The following DNAH3 variants were observed in gnomAD, a reference collection of about 807,000 sequenced individuals.
DNAH3 encodes the protein dynein axonemal heavy chain 3, also known as axonemal beta dynein heavy chain 3.
A neutral mutation model predicts 432.5 loss-of-function variants in DNAH3; 332 were observed. That is an observed-to-expected ratio of 0.77 (90% CI 0.70 to 0.84). The LOEUF is 0.84. Ranked by LOEUF, DNAH3 falls within the 40% of genes least tolerant of loss-of-function variation. DNAH3 has a pLI of 0.00. For missense variants in DNAH3, 4,861 were observed against 5,114.0 expected (o/e 0.95, Z 1.51); for synonymous variants, 1,956 against 1,900.2 (o/e 1.03, Z -0.76).
chr16:20,964,923 C>T (rs1288317393), exon 53 of DNAH3: 3 of 1,614,112 alleles, frequency 1.9e-6, no homozygotes, highest in Non-Finnish European at 2.5e-6. Flanking sequence ...GGATCCCCAG[C>T]TGTCGGGCAG....
chr16:21,142,879 C>T (rs1476222071), intron 3 of DNAH3, among the ~76,000 whole-genome samples: 1 of 152,056 alleles, frequency 6.6e-6, no homozygotes, highest in Admixed American at 6.6e-5. Flanking sequence ...GTCTCCAACT[C>T]CTGGGGGCAA....
intron 24 of DNAH3, among the ~76,000 whole-genome samples, chr16:21,065,317 C>G (rs916593259): frequency 2.0e-5 from 3 of 152,066 alleles, no homozygotes; most frequent in African/African-American, 7.2e-5. Context: ...CCCACCACCA[C>G]GCCCAGCTGA....
chr16:20,936,681 C>A, exon 60 of DNAH3: 1 of 1,603,380 alleles, frequency 6.2e-7, no homozygotes. Context: ...AGCAGGTCAG[C>A]CACGTAGCCC....
intron 24 of DNAH3, among the ~76,000 whole-genome samples, chr16:21,066,274 C>T (rs2090545773): frequency 6.6e-6 from 1 of 151,804 alleles, no homozygotes; most frequent in African/African-American, 2.4e-5. Context: ...TAAGTGGGGT[C>T]AAATGACATG....
At chr16:21,148,856 G>A (rs2152834774) in intron 1 of DNAH3, among the ~76,000 whole-genome samples, 2 of 152,264 alleles carry the variant, frequency 1.3e-5, no homozygotes, top group East Asian at 1.9e-4. Context: ...GGCAATAAAT[G>A]GCTAAGAATC....
At chr16:20,935,509 T>A (rs763149146) in intron 60 of DNAH3, 24 bp from the exon 61 acceptor site, 8 of 1,606,348 alleles carry the variant, frequency 5.0e-6, no homozygotes, top group Non-Finnish European at 6.8e-6. Flanking sequence ...GAAATCAAGA[T>A]TCAAAATCAA....
At chr16:21,037,427 T>C (rs2089225948) in intron 34 of DNAH3, among the ~76,000 whole-genome samples, 1 of 152,184 alleles carries the variant, frequency 6.6e-6, no homozygotes, top group South Asian at 2.1e-4. Flanking sequence ...ATGAACAAGA[T>C]AGTAATGACT....
In DNAH3 at chr16:21,022,652, C is replaced by T. The variant is rs2088303958; in HGVS notation, c.5647-552G>A. Among the ~76,000 whole-genome samples, 3 of 151,948 alleles carry T rather than the reference C, an allele frequency of 2.0e-5. No individual in the cohort carries two copies. In the South Asian group the frequency reaches 6.2e-4, roughly 32 times the overall value. On this transcript the variant is annotated intron_variant, in intron 39 of 61. Transcript: ENST00000261383. ...TAGTGTCTGTTCTCCAGTCCATTTA[C>T]TCTTTTAAAAAGTTATCCGACTTGC...
intron 11 of DNAH3, chr16:21,120,665 C>T (rs1248038187): frequency 1.7e-6 from 2 of 1,150,352 alleles, no homozygotes; most frequent in African/African-American, 1.5e-5. Flanking sequence ...TTCACATAGG[C>T]CTTGTTTTCA....
At chr16:20,984,594 G>A (rs1452874200) in intron 48 of DNAH3, among the ~76,000 whole-genome samples, 1 of 152,192 alleles carries the variant, frequency 6.6e-6, no homozygotes, top group Admixed American at 6.5e-5. Flanking sequence ...TCAGGGTCCG[G>A]CACGGTGGCT....
intron 56 of DNAH3, among the ~76,000 whole-genome samples, 199 bp downstream of exon 56, chr16:20,952,234 G>A (rs1321022477): frequency 6.6e-6 from 1 of 152,112 alleles, no homozygotes; most frequent in Non-Finnish European, 1.5e-5. Flanking sequence ...AGTCACTCAA[G>A]GGTAAAGATT....
chr16:21,097,236 T>A, intron 18 of DNAH3, 119 bp downstream of exon 18: 1 of 1,171,920 alleles, frequency 8.5e-7, no homozygotes, highest in Non-Finnish European at 1.2e-6. Context: ...TAATCTGGAG[T>A]GTCAGAATCT....
intron 1 of DNAH3, chr16:21,159,181 G>T (rs1354644165): frequency 5.9e-6 from 5 of 845,374 alleles, no homozygotes; most frequent in Non-Finnish European, 1.0e-5. Flanking sequence ...CTCCACCGAG[G>T]TCCCCTTCCC....
At chr16:21,005,982 T>C (rs893960457) in intron 41 of DNAH3, among the ~76,000 whole-genome samples, 10 of 152,166 alleles carry the variant, frequency 6.6e-5, no homozygotes, top group African/African-American at 2.4e-4. Context: ...TAGCATACTC[T>C]TACAATTGGT....
chr16:20,938,669 CAAAAAAA>C (rs901953556), intron 59 of DNAH3, among the ~76,000 whole-genome samples: 1 of 81,910 alleles, frequency 1.2e-5, no homozygotes, highest in African/African-American at 4.7e-5. Flanking sequence ...GGTGAAAAGG[CAAAAAAA>C]AAAAAAAAAA....
intron 44 of DNAH3, 181 bp downstream of exon 44, chr16:20,997,102 G>C (rs576041693): frequency 1.7e-6 from 1 of 575,056 alleles, no homozygotes; most frequent in Admixed American, 3.0e-5. Context: ...TCTTGCCATC[G>C]TCCCCTTCTA....
chr16:21,061,345 C>T (rs2090354059), intron 25 of DNAH3, among the ~76,000 whole-genome samples: 1 of 149,174 alleles, frequency 6.7e-6, no homozygotes, highest in African/African-American at 2.5e-5. Context: ...AAGCGATTCT[C>T]CTGCCTCAGC....
intron 44 of DNAH3, among the ~76,000 whole-genome samples, chr16:20,988,935 T>C (rs1331597393): frequency 6.6e-6 from 1 of 152,158 alleles, no homozygotes; most frequent in Non-Finnish European, 1.5e-5. Context: ...CTGGAGTTAT[T>C]CGTTCCTCCC....
chr16:21,130,091 G>GAAAAAAAA (rs58706051), intron 7 of DNAH3: 33 of 79,120 alleles, frequency 4.2e-4, no homozygotes, highest in East Asian at 7.2e-4. Flanking sequence ...CTAAATAAAT[G>GAAAAAAAA]AAAAAAAAAA....
Sources: allele counts gnomAD v4.1 joint callset (sites outside exome capture counted in the v4.1 genomes callset), GRCh38; gene constraint gnomAD v4.1.1; transcripts MANE v1.5; gene names NCBI Gene and HGNC (gene_info 2026-07-23, HGNC 2026-07-21).